Variants in C1QTNF3 observed in about 807,000 individuals in gnomAD.
The protein encoded by C1QTNF3 is C1q and TNF related 3, also known as complement C1q tumor necrosis factor-related protein 3.
C1QTNF3 carries 26 observed loss-of-function variants against 32.6 expected under a neutral mutation model. The ratio of observed to expected loss-of-function variants is 0.80; its 90% CI spans 0.58 to 1.11. The LOEUF is 1.11. C1QTNF3 is among the 50% of genes least tolerant of loss of function. C1QTNF3 has a pLI of 0.00. For synonymous variants in C1QTNF3, 155 were observed against 146.0 expected (o/e 1.06, Z -0.44); for missense variants, 362 against 398.2 (o/e 0.91, Z 0.77).
chr5:34,056,489 G>GTCT, the C1QTNF3 span, among the ~76,000 whole-genome samples: 1 of 73,882 alleles, frequency 1.4e-5, no homozygotes, highest in African/African-American at 5.4e-5. Flanking sequence ...TAGAGAGAGA[G>GTCT]AGAGAGAGAG....
the C1QTNF3 span, among the ~76,000 whole-genome samples, chr5:34,183,238 A>T: frequency 6.6e-6 from 1 of 151,708 alleles, no homozygotes; most frequent in Non-Finnish European, 1.5e-5. Context: ...CGGCCTCCCA[A>T]AGTGCTGGGA....
intron 3 of C1QTNF3, among the ~76,000 whole-genome samples, chr5:34,030,870 G>A (rs936290583): frequency 6.6e-6 from 1 of 152,128 alleles, no homozygotes; most frequent in African/African-American, 2.4e-5. Flanking sequence ...TGTATATGTG[G>A]GAGCTAAATG....
chr5:34,154,817 T>C, the C1QTNF3 span, among the ~76,000 whole-genome samples: 9 of 152,210 alleles, frequency 5.9e-5, no homozygotes, highest in African/African-American at 1.9e-4. Flanking sequence ...CAGGTAGAGA[T>C]AGAGACAGAT....
the C1QTNF3 span, among the ~76,000 whole-genome samples, chr5:34,154,537 C>T: frequency 6.6e-6 from 1 of 152,094 alleles, no homozygotes; most frequent in South Asian, 2.1e-4. Context: ...CAGCCAATGG[C>T]TTACATCTTT....
At chr5:34,137,015 G>A in the C1QTNF3 span, among the ~76,000 whole-genome samples, 3 of 151,726 alleles carry the variant, frequency 2.0e-5, no homozygotes, top group African/African-American at 7.3e-5. Flanking sequence ...GGGCCTGGGG[G>A]AGGGATAGCA....
At chr5:34,029,834 T>C (rs920453395) in intron 3 of C1QTNF3, among the ~76,000 whole-genome samples, 1 of 152,342 alleles carries the variant, frequency 6.6e-6, no homozygotes, top group South Asian at 2.1e-4. Context: ...ACATTTAGGA[T>C]AGATTGTCAT....
At chr5:34,206,804 T>C in the C1QTNF3 span, among the ~76,000 whole-genome samples, 2 of 151,512 alleles carry the variant, frequency 1.3e-5, no homozygotes, top group East Asian at 3.9e-4. Flanking sequence ...TAACATACAG[T>C]ACTTAAACAT....
At chr5:34,065,512 C>A in the C1QTNF3 span, among the ~76,000 whole-genome samples, 1 of 152,018 alleles carries the variant, frequency 6.6e-6, no homozygotes, top group Admixed American at 6.5e-5. Context: ...ACTAAAAATA[C>A]AAAAATTAGC....
chr5:34,223,176 C>G, the C1QTNF3 span, among the ~76,000 whole-genome samples: 1 of 114,934 alleles, frequency 8.7e-6, no homozygotes, highest in Non-Finnish European at 1.7e-5. Context: ...CCCCTCCCCC[C>G]ACCCCATAAC....
At chr5:34,031,894 C>G (rs943947749) in intron 3 of C1QTNF3, among the ~76,000 whole-genome samples, 9 of 152,116 alleles carry the variant, frequency 5.9e-5, no homozygotes, top group Non-Finnish European at 2.9e-5. Context: ...ACTATTCAAG[C>G]TATTTTAAAC....
the C1QTNF3 span, among the ~76,000 whole-genome samples, chr5:34,149,605 TA>T: frequency 3.3e-4 from 1 of 2,986 alleles, no homozygotes; most frequent in Non-Finnish European, 5.3e-4. Flanking sequence ...CCAGCCAAAC[TA>T]AGCTTCATGA....
the C1QTNF3 span, among the ~76,000 whole-genome samples, chr5:34,122,619 G>C: frequency 2.0e-5 from 3 of 152,164 alleles, no homozygotes. Context: ...AACCAAAAGG[G>C]AAGCAGAACT....
chr5:34,071,519 T>TGA, the C1QTNF3 span, among the ~76,000 whole-genome samples: 1 of 152,088 alleles, frequency 6.6e-6, no homozygotes, highest in Admixed American at 6.6e-5. Flanking sequence ...ATATCGCTGT[T>TGA]GAGAGGAGGC....
the C1QTNF3 span, among the ~76,000 whole-genome samples, chr5:34,048,289 T>TGAGAGAGAGAGAGAGAGAGAGA: frequency 1.1e-3 from 151 of 141,158 alleles, 1 homozygote; most frequent in African/African-American, 3.9e-3. Context: ...TGTGTGTGCA[T>TGAGAGAGAGAGAGAGAGAGAGA]GAGAGAGAGA....
At chr5:34,038,406 T>G (rs1420434676) in intron 1 of C1QTNF3, among the ~76,000 whole-genome samples, 2 of 152,088 alleles carry the variant, frequency 1.3e-5, no homozygotes, top group Admixed American at 1.3e-4. Context: ...AAAGACGTAT[T>G]GGAAGAGCTA....
upstream of C1QTNF3, among the ~76,000 whole-genome samples, chr5:34,047,921 C>T (rs1579616161): frequency 6.6e-6 from 1 of 152,084 alleles, no homozygotes; most frequent in East Asian, 1.9e-4. Flanking sequence ...ACCTTGCCAC[C>T]AGTACAGGGC....
chr5:34,029,811 T>C (rs1002084797), intron 3 of C1QTNF3, among the ~76,000 whole-genome samples: 1 of 152,238 alleles, frequency 6.6e-6, no homozygotes, highest in Non-Finnish European at 1.5e-5. Flanking sequence ...ATTGTATTTA[T>C]TTATATGAAC....
chr5:34,073,684 C>T, the C1QTNF3 span, among the ~76,000 whole-genome samples: 1 of 151,972 alleles, frequency 6.6e-6, no homozygotes, highest in Non-Finnish European at 1.5e-5. Flanking sequence ...TCAATTATTC[C>T]TTCACAATGT....
the C1QTNF3 span, among the ~76,000 whole-genome samples, chr5:34,212,924 T>C: frequency 6.6e-6 from 1 of 151,984 alleles, no homozygotes; most frequent in South Asian, 2.1e-4. Flanking sequence ...CAAAGGATTA[T>C]AAATCATGCT....
Sources: gnomAD v4.1 joint callset for allele counts (sites outside exome capture counted in the v4.1 genomes callset) on GRCh38, gnomAD v4.1.1 for gene constraint, MANE v1.5 for transcripts, NCBI Gene and HGNC (gene_info 2026-07-23, HGNC 2026-07-21) for gene names.